Variants in CCDC191 observed in about 807,000 individuals in gnomAD.
The protein encoded by CCDC191 is coiled-coil domain-containing protein 191.
In CCDC191, 99 loss-of-function variants were observed where a neutral mutation model predicts 114.0. That is an observed-to-expected ratio of 0.87 (90% CI 0.74 to 1.03). The LOEUF (loss-of-function observed/expected upper bound fraction) is 1.03, where lower values mean the gene tolerates loss of function less well. Among genes scored for constraint, CCDC191 ranks in the 50% least tolerant of loss-of-function variants. The pLI is 0.00. For missense variants in CCDC191, 973 were observed against 1,087.0 expected, an observed-to-expected ratio of 0.90 and a Z score of 1.47; for synonymous variants, 351 against 376.0, an observed-to-expected ratio of 0.93 and a Z score of 0.77.
intron 12 of CCDC191, 34 bp from the exon 13 acceptor site, chr3:114,001,730 C>G (rs1259834945): frequency 6.2e-7 from 1 of 1,611,314 alleles, no homozygotes; most frequent in Non-Finnish European, 8.5e-7. Context: ...ATATCAGAAC[C>G]CTCAATTTGA....
intron 13 of CCDC191, among the ~76,000 whole-genome samples, chr3:113,993,879 T>C (rs1409414371): frequency 6.6e-6 from 1 of 151,436 alleles, no homozygotes; most frequent in African/African-American, 2.4e-5. Flanking sequence ...TGAGACCCTG[T>C]CTCAGAGAAA....
intron 3 of CCDC191, among the ~76,000 whole-genome samples, chr3:114,043,373 A>T (rs2076589090): frequency 6.6e-6 from 1 of 152,150 alleles, no homozygotes; most frequent in Non-Finnish European, 1.5e-5. Context: ...TAGGGCAATG[A>T]TTATCAACCA....
intron 16 of CCDC191, among the ~76,000 whole-genome samples, chr3:113,975,429 C>G (rs1447292344): frequency 6.6e-6 from 1 of 152,092 alleles, no homozygotes; most frequent in African/African-American, 2.4e-5. Context: ...GTTAAAGCCC[C>G]TTTTAAAGAC....
intron 2 of CCDC191, among the ~76,000 whole-genome samples, chr3:114,050,559 G>C (rs141516538): frequency 3.3e-5 from 5 of 152,322 alleles, no homozygotes; most frequent in Non-Finnish European, 7.4e-5. Context: ...GAGCTACAAG[G>C]GAAGGATCTG....
intron 2 of CCDC191, 75 bp from the exon 3 acceptor site, chr3:114,046,807 A>C: frequency 1.4e-6 from 2 of 1,480,850 alleles, no homozygotes; most frequent in East Asian, 2.4e-5. Flanking sequence ...TCTCCTACTC[A>C]AGAAACTGAT....
chr3:113,985,502 C>A (rs1011896335), intron 13 of CCDC191, among the ~76,000 whole-genome samples: 1 of 152,162 alleles, frequency 6.6e-6, no homozygotes, highest in African/African-American at 2.4e-5. Flanking sequence ...GAAAAAAGCT[C>A]TACCACTGGA....
At chr3:114,011,060 T>C (rs763646158) in intron 8 of CCDC191, 39 bp from the exon 9 acceptor site, 2 of 1,570,162 alleles carry the variant, frequency 1.3e-6, no homozygotes, top group South Asian at 2.3e-5. Context: ...AAAGAAGCCA[T>C]TTACAGTTTG....
intron 3 of CCDC191, among the ~76,000 whole-genome samples, chr3:114,044,906 AC>A (rs751288796): frequency 6.4e-4 from 98 of 152,174 alleles, no homozygotes; most frequent in Non-Finnish European, 1.3e-3. Context: ...TCAGAACACT[AC>A]TTTTGTAGAA....
At chr3:114,017,040 A>G (rs1316417863) in intron 8 of CCDC191, among the ~76,000 whole-genome samples, 1 of 151,908 alleles carries the variant, frequency 6.6e-6, no homozygotes, top group African/African-American at 2.4e-5. Context: ...TTCTCCCAGC[A>G]TATCATAGGA....
chr3:113,986,723 G>A (rs138762380), intron 13 of CCDC191, among the ~76,000 whole-genome samples: 1 of 152,236 alleles, frequency 6.6e-6, no homozygotes, highest in Non-Finnish European at 1.5e-5. Context: ...GGGGTCCTAG[G>A]GTGCAGCCCT....
chr3:113,983,937 C>T (rs1475535033), intron 13 of CCDC191: 1 of 152,120 alleles, frequency 6.6e-6, no homozygotes, highest in Non-Finnish European at 1.5e-5. Flanking sequence ...TTCAGAAGGT[C>T]ACTTTGTGAG....
intron 4 of CCDC191, among the ~76,000 whole-genome samples, chr3:114,038,956 G>A (rs1318523193): frequency 6.6e-6 from 1 of 152,066 alleles, no homozygotes; most frequent in Admixed American, 6.6e-5. Flanking sequence ...GTTGATCTGT[G>A]TAGCAAACCA....
intron 2 of CCDC191, 135 bp from the exon 3 acceptor site, chr3:114,046,867 C>T: frequency 7.2e-7 from 1 of 1,383,412 alleles, no homozygotes; most frequent in Non-Finnish European, 9.3e-7. Flanking sequence ...TGGAGAAACT[C>T]TTGAGGTTTA....
At chr3:113,981,811 A>G (rs900536026) in intron 13 of CCDC191, among the ~76,000 whole-genome samples, 1 of 152,196 alleles carries the variant, frequency 6.6e-6, no homozygotes, top group African/African-American at 2.4e-5. Flanking sequence ...TTTCTGTGAA[A>G]GCTCTGAAAA....
At chr3:114,045,199 C>A (rs1577475486) in intron 3 of CCDC191, among the ~76,000 whole-genome samples, 1 of 151,894 alleles carries the variant, frequency 6.6e-6, no homozygotes, top group African/African-American at 2.4e-5. Flanking sequence ...GTGGGGTGGG[C>A]AAGATCAGCC....
intron 9 of CCDC191, 69 bp downstream of exon 9, chr3:114,010,703 A>T: frequency 6.8e-7 from 1 of 1,470,124 alleles, no homozygotes; most frequent in Non-Finnish European, 9.2e-7. Flanking sequence ...TCTGACAATG[A>T]CTGACATACC....
chr3:114,025,229 A>AT (rs1184090678), intron 7 of CCDC191, among the ~76,000 whole-genome samples: 1 of 146,644 alleles, frequency 6.8e-6, no homozygotes, highest in Non-Finnish European at 1.5e-5. Context: ...TCTATATTAA[A>AT]TTTTTTTCTC....
chr3:114,032,346 T>C (rs550679702), intron 6 of CCDC191, among the ~76,000 whole-genome samples: 3 of 152,252 alleles, frequency 2.0e-5, no homozygotes, highest in Non-Finnish European at 4.4e-5. Flanking sequence ...AGTAACTTTG[T>C]TGCTCATCTT....
Position 114,005,847 on chromosome 3 carries a change from A to C in CCDC191, c.1529T>G (p.Val510Gly), listed in dbSNP as rs1296592840. The C allele has an allele frequency of 6.2e-7, 1 of 1,613,824 alleles. No homozygotes were observed. The highest frequency in any genetic ancestry group is 2.2e-5 in the East Asian group (1 of 44,876). Reference sequence around the variant, plus strand: ...CTTATTGCCAGGTGCACTCAGAGAGACATTCTGAAGGGAACCCTGCAAGTT... The same window carrying C: ...CTTATTGCCAGGTGCACTCAGAGAGCCATTCTGAAGGGAACCCTGCAAGTT... ...TGNLQGSLQN[V>G]SLSAPGNKQH... The change falls in exon 10 of 17, where the codon GTC becomes GGC. Residue 510 changes from valine to glycine, a missense_variant. Transcript: ENST00000295878.
Sources: gnomAD v4.1 joint callset for allele counts (sites outside exome capture counted in the v4.1 genomes callset) on GRCh38, gnomAD v4.1.1 for gene constraint, MANE v1.5 for transcripts, NCBI Gene and HGNC (gene_info 2026-07-23, HGNC 2026-07-21) for gene names.